Variants in IGSF10 observed in about 807,000 individuals in gnomAD.
The protein encoded by IGSF10 is immunoglobulin superfamily member 10.
Under a neutral mutation model 128.2 loss-of-function variants are expected in IGSF10, and 126 were observed. The observed-to-expected ratio is 0.98, with a 90% CI of 0.85 to 1.14. The LOEUF is 1.14. IGSF10 is among the 50% of genes most tolerant of loss of function. IGSF10 has a pLI of 0.00. For synonymous variants in IGSF10, 1,185 were observed against 1,146.2 expected (o/e 1.03, Z -0.68); for missense variants, 3,295 against 3,149.8 (o/e 1.05, Z -1.10).
At chr3:151,479,995 T>TA in the IGSF10 span, among the ~76,000 whole-genome samples, 1 of 152,094 alleles carries the variant, frequency 6.6e-6, no homozygotes, top group Non-Finnish European at 1.5e-5. Flanking sequence ...CTTTTTTTTT[T>TA]ATCACACACA....
the IGSF10 span, among the ~76,000 whole-genome samples, chr3:151,495,769 A>G: frequency 1.3e-5 from 2 of 152,124 alleles, no homozygotes; most frequent in East Asian, 3.9e-4. Flanking sequence ...CACAAATTGG[A>G]TACTAAACCA....
chr3:151,495,284 T>C, the IGSF10 span, among the ~76,000 whole-genome samples: 2 of 152,170 alleles, frequency 1.3e-5, no homozygotes, highest in Non-Finnish European at 2.9e-5. Context: ...CTCATCAAGG[T>C]ACTGAATTCT....
At chr3:151,478,023 C>A in the IGSF10 span, among the ~76,000 whole-genome samples, 1 of 152,222 alleles carries the variant, frequency 6.6e-6, no homozygotes, top group Non-Finnish European at 1.5e-5. Flanking sequence ...TCCATTCTTA[C>A]ATGCTGCCTT....
the IGSF10 span, among the ~76,000 whole-genome samples, chr3:151,558,027 A>ATATAT: frequency 0.049 from 2,614 of 52,876 alleles, 475 homozygotes; most frequent in East Asian, 0.12. Flanking sequence ...TAATATATAT[A>ATATAT]TTGGTACAAT....
At chr3:151,617,773 G>C in the IGSF10 span, among the ~76,000 whole-genome samples, 1 of 152,092 alleles carries the variant, frequency 6.6e-6, no homozygotes, top group Non-Finnish European at 1.5e-5. Flanking sequence ...ACAGTATTAA[G>C]AGGTGGGCCT....
At chr3:151,478,010 A>C in the IGSF10 span, among the ~76,000 whole-genome samples, 1 of 152,364 alleles carries the variant, frequency 6.6e-6, no homozygotes, top group South Asian at 2.1e-4. Flanking sequence ...TAAAAATTCA[A>C]AATCCATTCT....
chr3:151,566,153 G>C, the IGSF10 span, among the ~76,000 whole-genome samples: 2 of 151,988 alleles, frequency 1.3e-5, no homozygotes. Context: ...AGCAAATTTG[G>C]ATTAGAATGG....
the IGSF10 span, among the ~76,000 whole-genome samples, chr3:151,541,889 A>G: frequency 6.6e-6 from 1 of 152,198 alleles, no homozygotes; most frequent in Non-Finnish European, 1.5e-5. Context: ...CCTTAAGAAA[A>G]GCAACTTTCC....
the IGSF10 span, among the ~76,000 whole-genome samples, chr3:151,466,183 G>A: frequency 7.9e-5 from 12 of 151,978 alleles, no homozygotes. Context: ...AACAGATCTG[G>A]CATCAGAAGT....
the IGSF10 span, among the ~76,000 whole-genome samples, chr3:151,568,535 A>AGTTCTC: frequency 1.3e-5 from 2 of 152,166 alleles, no homozygotes; most frequent in Admixed American, 6.5e-5. Context: ...GCTCACACAG[A>AGTTCTC]GTTCTCTTTC....
the IGSF10 span, among the ~76,000 whole-genome samples, chr3:151,567,461 C>T: frequency 0.71 from 107,206 of 151,988 alleles, 37,919 homozygotes; most frequent in African/African-American, 0.75. Context: ...TGTAAACCTA[C>T]TTGAACTTTA....
At chr3:151,458,134 T>A (rs1414826953) in intron 3 of IGSF10, among the ~76,000 whole-genome samples, 2 of 150,908 alleles carry the variant, frequency 1.3e-5, no homozygotes, top group African/African-American at 4.9e-5. Context: ...TGTATGTATG[T>A]GTGTGTGTGT....
In IGSF10 at chr3:151,460,336, T is replaced by C. The variant is rs1721992898; in HGVS notation, c.-77A>G. ...GAAAATCTTCCCAGGAAATGGAAAA[T>C]TGTGTCCAAACCTGAGGGAGGAAAA... is the stretch of plus-strand genomic sequence containing the variant. On this transcript the variant is annotated 5_prime_UTR_variant, in exon 2 of 8. Coordinates refer to ENST00000282466, the MANE Select transcript of IGSF10 (RefSeq NM_178822.5). 1 of 978,008 alleles carries C rather than the reference T, an allele frequency of 1.0e-6. No homozygotes were observed. The highest frequency in any genetic ancestry group is 1.2e-6 in the Non-Finnish European group (1 of 823,166). 60.6% of individuals were successfully genotyped at this position (978,008 alleles called of 1,614,324 possible).
chr3:151,502,986 C>T, the IGSF10 span, among the ~76,000 whole-genome samples: 1 of 151,990 alleles, frequency 6.6e-6, no homozygotes. Flanking sequence ...ATAGCAAAAA[C>T]TCTCTCCAAA....
chr3:151,441,815 A>G (rs1269158272), intron 7 of IGSF10, among the ~76,000 whole-genome samples: 1 of 152,236 alleles, frequency 6.6e-6, no homozygotes, highest in African/African-American at 2.4e-5. Flanking sequence ...TAATCCCAGC[A>G]CTTTGGGAGG....
Position 151,436,750 on chromosome 3 carries a change from TTG to T in IGSF10, c.7809_7810del (p.Tyr2603Ter). 3.1e-6 allele frequency: 5 copies of T among 1,614,162 alleles called. No homozygotes were observed. The highest frequency in any genetic ancestry group is 3.4e-6 in the Non-Finnish European group (4 of 1,180,012). On this transcript the variant is annotated stop_gained and frameshift_variant, in exon 8 of 8. Coordinates refer to ENST00000282466, the MANE Select transcript of IGSF10 (RefSeq NM_178822.5). LOFTEE classifies it low-confidence loss of function (END_TRUNC). ...ACCAAGTGGGTTCTTTGCTGTGCAT[TTG>T]TATATCCCAGAATCGGAGGTTTGGG...
Position 151,447,201 on chromosome 3 carries a change from A to G in IGSF10, c.2780T>C (p.Met927Thr). The change falls in exon 6 of 8, where the codon ATG (methionine) becomes ACG (threonine). Residue 927 changes from methionine (M) to threonine (T), a missense_variant. Met to Thr is a moderately conservative substitution (Grantham distance 81). Coordinates refer to ENST00000282466, the MANE Select transcript of IGSF10 (RefSeq NM_178822.5). Reference protein sequence around the residue: ...QSRPPITVRTMIKDVNVKMLS... With the variant: ...QSRPPITVRTTIKDVNVKMLS... The stretch of plus-strand genomic sequence containing the variant: ...CATTTTGACATTGACATCTTTGATC[A>G]TAGTCCTTACTGTTATTGGGGGTCT... The G allele has an allele frequency of 1.2e-6, 2 of 1,614,224 alleles. No individual in the cohort carries two copies. Among genetic ancestry groups the G allele is most frequent in the Non-Finnish European group, 1.7e-6 (2 of 1,180,040 alleles).
the IGSF10 span, among the ~76,000 whole-genome samples, chr3:151,580,771 T>G: frequency 2.3e-3 from 344 of 152,326 alleles, 2 homozygotes; most frequent in African/African-American, 7.8e-3. Flanking sequence ...ATTGCCTTTG[T>G]AATTCTAACA....
chr3:151,614,660 G>A, the IGSF10 span, among the ~76,000 whole-genome samples: 4 of 151,914 alleles, frequency 2.6e-5, no homozygotes, highest in Admixed American at 2.0e-4. Flanking sequence ...ATCACACACC[G>A]GGGACTGTTG....
Sources: gnomAD v4.1 joint callset for allele counts (sites outside exome capture counted in the v4.1 genomes callset) on GRCh38, gnomAD v4.1.1 for gene constraint, MANE v1.5 for transcripts, NCBI Gene and HGNC (gene_info 2026-07-23, HGNC 2026-07-21) for gene names.